The following CSPP1 variants were observed in gnomAD, a reference collection of about 807,000 sequenced individuals.
CSPP1 encodes centrosome and spindle pole-associated protein 1.
CSPP1 carries 126 observed loss-of-function variants against 164.4 expected under a neutral mutation model. The ratio of observed to expected loss-of-function variants is 0.77; its 90% CI spans 0.66 to 0.89. CSPP1 has a LOEUF of 0.89. Ranked by LOEUF, CSPP1 falls within the 40% of genes least tolerant of loss-of-function variation. CSPP1 has a pLI of 0.00. For missense variants in CSPP1, 1,395 were observed against 1,449.8 expected, an observed-to-expected ratio of 0.96 and a Z score of 0.61; for synonymous variants, 472 against 476.7, an observed-to-expected ratio of 0.99 and a Z score of 0.13.
At position 67,158,540 on chromosome 8, in the gene CSPP1, C is replaced by T. The variant is rs587777138; in HGVS notation, c.2335C>T (p.Arg779Ter). 1.5e-5 allele frequency: 24 copies of T among 1,610,368 alleles called. No individual in the cohort carries two copies. The Admixed American group carries it at 2.0e-4, about 13-fold the overall frequency. ...EERRLAEQRA[R>*]IQQEYEEEQE... is the part of the protein sequence containing the mutation. ...AAGACGGCTTGCAGAACAGAGGGCA[C>T]GAATTCAGCAGGAGTATGAAGAGGA... Residue 779 changes from arginine to a stop codon, truncating the protein, a stop_gained, in exon 20 of 31, where the codon CGA becomes TGA. Coordinates refer to ENST00000678616, the MANE Select transcript of CSPP1 (RefSeq NM_001382391.1). LOFTEE classifies it high-confidence loss of function.
intron 18 of CSPP1, 108 bp from the exon 19 acceptor site, chr8:67,153,916 C>CTTTT: frequency 2.2e-6 from 1 of 457,552 alleles, no homozygotes; most frequent in Admixed American, 4.1e-5. Flanking sequence ...AATCTTTGGA[C>CTTTT]TTTTTTTTTT....
chr8:67,156,139 C>A (rs1318780125), intron 19 of CSPP1, among the ~76,000 whole-genome samples: 3 of 152,168 alleles, frequency 2.0e-5, no homozygotes, highest in Non-Finnish European at 2.9e-5. Flanking sequence ...ATTGTATAGA[C>A]TTTTATTGTT....
intron 15 of CSPP1, among the ~76,000 whole-genome samples, chr8:67,125,167 T>C (rs1220784227): frequency 6.6e-6 from 1 of 152,230 alleles, no homozygotes. Flanking sequence ...AACAGGTCTC[T>C]TAGTGATGAC....
intron 4 of CSPP1, among the ~76,000 whole-genome samples, chr8:67,087,500 T>G (rs1396494948): frequency 1.3e-5 from 2 of 152,204 alleles, no homozygotes; most frequent in Non-Finnish European, 2.9e-5. Context: ...GATATAATGA[T>G]CAAGATAGTC....
chr8:67,081,864 C>A (rs1809263342), intron 3 of CSPP1, among the ~76,000 whole-genome samples: 1 of 152,180 alleles, frequency 6.6e-6, no homozygotes, highest in South Asian at 2.1e-4. Flanking sequence ...CCTGCCTCAA[C>A]CTCTCGACTA....
intron 28 of CSPP1, among the ~76,000 whole-genome samples, chr8:67,189,694 T>C (rs549912484): frequency 3.9e-5 from 6 of 152,270 alleles, no homozygotes; most frequent in East Asian, 3.9e-4. Flanking sequence ...CACTGAAATA[T>C]TGAGAGACAA....
chr8:67,124,188 C>T (rs187280355), intron 15 of CSPP1, among the ~76,000 whole-genome samples: 203 of 152,262 alleles, frequency 1.3e-3, no homozygotes, highest in Non-Finnish European at 2.6e-3. Flanking sequence ...CATGAGCCAC[C>T]GCACCCGGCC....
intron 8 of CSPP1, among the ~76,000 whole-genome samples, chr8:67,104,818 T>G (rs1484293235): frequency 1.3e-5 from 2 of 149,222 alleles, no homozygotes; most frequent in Non-Finnish European, 3.0e-5. Context: ...TTTTGTATTT[T>G]TAGTAGTGAT....
rs1827099864 is a variant in CSPP1 at position 67,158,496 on chromosome 8, T to C, written c.2291T>C (p.Ile764Thr). ...GAAGCAGAGCGAGAGAGACTGAGAA[T>C]TGCAGAAGAAAAAGAAGAAAGACGG... ...REEAERERLRIAEEKEERRLA... is the reference protein window; with the variant it reads ...REEAERERLRTAEEKEERRLA... The change falls in exon 20 of 31, where the codon ATT becomes ACT. Residue 764 changes from isoleucine to threonine, a missense_variant. Transcript: ENST00000678616. The C allele has an allele frequency of 1.2e-6, 2 of 1,613,028 alleles. No homozygotes were observed. Among genetic ancestry groups the C allele is most frequent in the South Asian group, 1.1e-5 (1 of 90,948 alleles).
chr8:67,125,890 T>C (rs1251919243), intron 15 of CSPP1, among the ~76,000 whole-genome samples: 1 of 152,242 alleles, frequency 6.6e-6, no homozygotes, highest in Non-Finnish European at 1.5e-5. Context: ...TGGAGTGCAG[T>C]GGCCTGATCT....
At chr8:67,194,951 A>AAGAGT (rs1586984453) in intron 30 of CSPP1, among the ~76,000 whole-genome samples, 1 of 152,162 alleles carries the variant, frequency 6.6e-6, no homozygotes, top group Non-Finnish European at 1.5e-5. Flanking sequence ...TTGTAGGTTG[A>AAGAGT]AGAGTATTCC....
chr8:67,150,514 C>T (rs529287548), intron 18 of CSPP1, among the ~76,000 whole-genome samples: 7 of 151,990 alleles, frequency 4.6e-5, no homozygotes, highest in Non-Finnish European at 8.8e-5. Context: ...AAGCAGTTCT[C>T]TACCTCAGCC....
intron 7 of CSPP1, among the ~76,000 whole-genome samples, chr8:67,098,908 C>T (rs1400629228): frequency 6.7e-6 from 1 of 149,344 alleles, no homozygotes; most frequent in Non-Finnish European, 1.5e-5. Context: ...GAATGGAAAA[C>T]AAAGAGAAAA....
chr8:67,080,670 A>T (rs759238333), intron 3 of CSPP1, among the ~76,000 whole-genome samples: 1 of 152,258 alleles, frequency 6.6e-6, no homozygotes, highest in Non-Finnish European at 1.5e-5. Flanking sequence ...TCAATAATTC[A>T]TAAGAATGAC....
chr8:67,168,508 G>A (rs969779229), intron 24 of CSPP1, among the ~76,000 whole-genome samples: 1 of 152,026 alleles, frequency 6.6e-6, no homozygotes, highest in African/African-American at 2.4e-5. Context: ...ATCTAGTGAA[G>A]AATAAATAAA....
At chr8:67,144,438 T>C (rs1164286408) in intron 17 of CSPP1, among the ~76,000 whole-genome samples, 1 of 152,078 alleles carries the variant, frequency 6.6e-6, no homozygotes, top group Non-Finnish European at 1.5e-5. Context: ...AATTGGGAAA[T>C]GTTTTTTCTT....
chr8:67,091,186 G>A (rs971833153), intron 4 of CSPP1, among the ~76,000 whole-genome samples: 1 of 152,182 alleles, frequency 6.6e-6, no homozygotes, highest in Non-Finnish European at 1.5e-5. Context: ...AAAGTTAAGT[G>A]ACTTCCCCAT....
Position 67,095,630 on chromosome 8 carries a change from A to G in CSPP1, c.821A>G (p.His274Arg), listed in dbSNP as rs377496424. 5.6e-5 allele frequency: 91 copies of G among 1,613,744 alleles called. No individual in the cohort carries two copies. Among genetic ancestry groups the G allele is most frequent in the South Asian group, 1.8e-4 (16 of 91,074 alleles). The part of the protein sequence containing the change: ...NEDRVFDRRY[H>R]RPDQDPEVSE... ...GATCGTGTTTTTGATAGACGGTATC[A>G]TAGACCAGACCAAGATCCTGAAGTA... The change falls in exon 7 of 31, where the codon CAT (histidine) becomes CGT (arginine). Residue 274 changes from histidine to arginine, a missense_variant. Coordinates refer to ENST00000678616, the MANE Select transcript of CSPP1 (RefSeq NM_001382391.1).
chr8:67,190,849 G>C, intron 29 of CSPP1, 90 bp downstream of exon 29: 1 of 902,634 alleles, frequency 1.1e-6, no homozygotes, highest in Non-Finnish European at 1.8e-6. Context: ...GCCCAATAAA[G>C]AGCACTTGCT....
Sources: allele counts gnomAD v4.1 joint callset (sites outside exome capture counted in the v4.1 genomes callset), GRCh38; gene constraint gnomAD v4.1.1; transcripts MANE v1.5; gene names NCBI Gene and HGNC (gene_info 2026-07-23, HGNC 2026-07-21).